Variants in MCTP2 observed in about 807,000 individuals in gnomAD.
The protein encoded by MCTP2 is multiple C2 and transmembrane domain-containing protein 2.
A neutral mutation model predicts 111.6 loss-of-function variants in MCTP2; 132 were observed. The observed-to-expected ratio is 1.18, with a 90% CI of 1.03 to 1.37. MCTP2 has a LOEUF of 1.37. Among genes scored for constraint, MCTP2 ranks in the 40% most tolerant of loss-of-function variants. The pLI is 0.00. For missense variants in MCTP2, 1,183 were observed against 1,067.9 expected (o/e 1.11, Z -1.50); for synonymous variants, 395 against 387.7 (o/e 1.02, Z -0.22).
chr15:94,428,423 C>T (rs1398752736), intron 17 of MCTP2, among the ~76,000 whole-genome samples: 1 of 152,006 alleles, frequency 6.6e-6, no homozygotes, highest in Non-Finnish European at 1.5e-5. Flanking sequence ...TTTAAGTGTT[C>T]CTCTTTTCCC....
intron 1 of MCTP2, among the ~76,000 whole-genome samples, chr15:94,290,285 C>A (rs914532112): frequency 6.6e-6 from 1 of 151,980 alleles, no homozygotes; most frequent in Admixed American, 6.6e-5. Context: ...GTTATGGGAG[C>A]AATACAAAAC....
At chr15:94,392,492 G>T (rs1443367015) in intron 14 of MCTP2, among the ~76,000 whole-genome samples, 1 of 151,940 alleles carries the variant, frequency 6.6e-6, no homozygotes, top group Non-Finnish European at 1.5e-5. Flanking sequence ...ATTGTCAAAT[G>T]ATATATATTA....
At chr15:94,302,721 T>A (rs938074003) in intron 2 of MCTP2, among the ~76,000 whole-genome samples, 1 of 152,192 alleles carries the variant, frequency 6.6e-6, no homozygotes, top group Non-Finnish European at 1.5e-5. Flanking sequence ...ATTCACCTAG[T>A]TGTTCAAGCC....
At chr15:94,477,938 G>A (rs959038076) in intron 22 of MCTP2, among the ~76,000 whole-genome samples, 1 of 152,224 alleles carries the variant, frequency 6.6e-6, no homozygotes, top group East Asian at 1.9e-4. Flanking sequence ...CTCCCTTAGG[G>A]CACCTTCGCA....
intron 17 of MCTP2, among the ~76,000 whole-genome samples, chr15:94,435,724 C>T (rs1596701514): frequency 1.5e-5 from 2 of 135,958 alleles, no homozygotes; most frequent in African/African-American, 2.6e-5. Flanking sequence ...CTCCGCCTCC[C>T]GGGTTCACGC....
Position 94,436,369 on chromosome 15 carries a change from T to TA in MCTP2, c.2086-3799dup, listed in dbSNP as rs946783987. Among the ~76,000 whole-genome samples the TA allele has an allele frequency of 7.2e-5, 11 of 152,096 alleles. 1 individual carries two copies. Among genetic ancestry groups the TA allele is most frequent in the East Asian group, 3.9e-4 (2 of 5,188 alleles). ...TGCTTAGATAATTAGACTTTTTTTC[T>TA]AAAAAAAATATTTTTCTGGGGTTTA... On this transcript the variant is annotated intron_variant, in intron 17 of 22. Transcript: ENST00000357742.
At chr15:94,388,120 C>T (rs1219077039) in intron 14 of MCTP2, among the ~76,000 whole-genome samples, 1 of 152,128 alleles carries the variant, frequency 6.6e-6, no homozygotes, top group East Asian at 1.9e-4. Flanking sequence ...GGATGGGAAA[C>T]CACGAAGAGT....
chr15:94,263,646 A>C (rs888250530), intron 1 of MCTP2, among the ~76,000 whole-genome samples: 2 of 152,214 alleles, frequency 1.3e-5, no homozygotes, highest in African/African-American at 2.4e-5. Flanking sequence ...GAAGTCACCA[A>C]CCAAAAGCAC....
At chr15:94,435,756 C>A (rs1311228148) in intron 17 of MCTP2, among the ~76,000 whole-genome samples, 1 of 136,718 alleles carries the variant, frequency 7.3e-6, no homozygotes, top group Admixed American at 7.3e-5. Context: ...CTCAGCCTCC[C>A]GAGTAGCTGG....
intron 17 of MCTP2, among the ~76,000 whole-genome samples, chr15:94,439,537 C>T (rs2083659691): frequency 6.6e-6 from 1 of 152,070 alleles, no homozygotes; most frequent in Admixed American, 6.5e-5. Context: ...TACCTGCATT[C>T]ATGTCTCTAA....
At chr15:94,384,251 C>A in intron 13 of MCTP2, 127 bp downstream of exon 13, 2 of 589,626 alleles carry the variant, frequency 3.4e-6, no homozygotes, top group Non-Finnish European at 5.6e-6. Flanking sequence ...TTTTGAAAAC[C>A]TTGTATCCTT....
At chr15:94,236,405 T>A (rs1464209045) in intron 1 of MCTP2, among the ~76,000 whole-genome samples, 10 of 123,660 alleles carry the variant, frequency 8.1e-5, no homozygotes, top group African/African-American at 3.0e-4. Flanking sequence ...TTTTTTTTTT[T>A]ACGAAATAGC....
rs1484465673 is a variant in MCTP2, at chr15:94,401,918, G to T, written c.1984G>T (p.Asp662Tyr). 2 of 1,612,004 alleles carry T rather than the reference G, an allele frequency of 1.2e-6. No individual in the cohort carries two copies. The highest frequency in any genetic ancestry group is 2.2e-5 in the South Asian group (2 of 90,730). ...AAATCAGATCTTATCAAGAGATGTG[G>T]ACCGTGTGAAAAGAATCACTATGGC... ...LSKKILSRDV[D>Y]RVKRITMAIW... Residue 662 changes from aspartate (D) to tyrosine (Y), a missense_variant, in exon 17 of 23, where the codon GAC (aspartate) becomes TAC (tyrosine). Transcript: ENST00000357742.
At chr15:94,404,845 G>A (rs1459318000) in intron 17 of MCTP2, among the ~76,000 whole-genome samples, 1 of 152,162 alleles carries the variant, frequency 6.6e-6, no homozygotes, top group Admixed American at 6.5e-5. Context: ...CTCAAGCCCA[G>A]GCTCTCCTCT....
intron 4 of MCTP2, among the ~76,000 whole-genome samples, chr15:94,322,262 T>C (rs1050391889): frequency 6.6e-6 from 1 of 151,904 alleles, no homozygotes; most frequent in African/African-American, 2.4e-5. Context: ...GCAGCAGCTT[T>C]AGGGCCTTTA....
At chr15:94,393,782 G>A in intron 14 of MCTP2, among the ~76,000 whole-genome samples, 1 of 152,078 alleles carries the variant, frequency 6.6e-6, no homozygotes. Context: ...AGTCACGGTG[G>A]CTCACACCTG....
chr15:94,258,894 A>C (rs1352506174), intron 1 of MCTP2, among the ~76,000 whole-genome samples: 1 of 152,228 alleles, frequency 6.6e-6, no homozygotes, highest in Non-Finnish European at 1.5e-5. Context: ...ACGCCCTATC[A>C]AGCAGGTACT....
At chr15:94,390,072 A>ATGTG (rs1555464846) in intron 14 of MCTP2, among the ~76,000 whole-genome samples, 1 of 16,646 alleles carries the variant, frequency 6.0e-5, no homozygotes, top group African/African-American at 1.5e-4. Flanking sequence ...ATATATATAT[A>ATGTG]TATATATATA....
intron 2 of MCTP2, among the ~76,000 whole-genome samples, chr15:94,310,760 A>G (rs980640053): frequency 2.0e-5 from 3 of 151,150 alleles, no homozygotes; most frequent in African/African-American, 7.3e-5. Flanking sequence ...AAATTTTTAT[A>G]TTCTAAAATA....
Sources: gnomAD v4.1 joint callset for allele counts (sites outside exome capture counted in the v4.1 genomes callset) on GRCh38, gnomAD v4.1.1 for gene constraint, MANE v1.5 for transcripts, NCBI Gene and HGNC (gene_info 2026-07-23, HGNC 2026-07-21) for gene names.